ZNHIT6: variants seen among roughly 807,000 people sequenced by gnomAD.
ZNHIT6 encodes zinc finger HIT-type containing 6, also known as box C/D snoRNA protein 1.
In ZNHIT6, 45 loss-of-function variants were observed where a neutral mutation model predicts 57.2. The observed-to-expected ratio is 0.79, with a 90% CI of 0.62 to 1.01. The LOEUF is 1.01. Ranked by LOEUF, ZNHIT6 falls within the 50% of genes least tolerant of loss-of-function variation. The pLI is 0.00. For missense variants in ZNHIT6, 528 were observed against 567.3 expected (o/e 0.93, Z 0.70); for synonymous variants, 188 against 190.0 (o/e 0.99, Z 0.09).
intron 9 of ZNHIT6, among the ~76,000 whole-genome samples, chr1:85,655,837 A>C (rs547311216): frequency 1.8e-4 from 27 of 152,240 alleles, no homozygotes; most frequent in African/African-American, 5.8e-4. Flanking sequence ...AAACAAACAA[A>C]ATCTTGGCTA....
intron 5 of ZNHIT6, among the ~76,000 whole-genome samples, chr1:85,693,666 A>G (rs944361308): frequency 6.6e-6 from 1 of 152,256 alleles, no homozygotes. Flanking sequence ...ACAATATTGA[A>G]TATTTTCAAA....
At chr1:85,689,005 C>G (rs1662140792) in intron 5 of ZNHIT6, among the ~76,000 whole-genome samples, 2 of 152,144 alleles carry the variant, frequency 1.3e-5, no homozygotes, top group African/African-American at 4.8e-5. Context: ...ATAAAGCAAC[C>G]TAACTGATAC....
chr1:85,701,436 T>C (rs1662526610), intron 5 of ZNHIT6, among the ~76,000 whole-genome samples: 2 of 152,234 alleles, frequency 1.3e-5, no homozygotes, highest in African/African-American at 4.8e-5. Flanking sequence ...ATAATTTAGT[T>C]GGCTACTTAA....
In ZNHIT6 at chr1:85,708,388, T is replaced by A. The variant is rs1316359929; in HGVS notation, c.-104A>T. The A allele has an allele frequency of 9.1e-6, 13 of 1,422,950 alleles. No individual in the cohort carries two copies. The highest frequency in any genetic ancestry group is 1.2e-5 in the Non-Finnish European group (13 of 1,069,868). 88.1% of individuals were successfully genotyped at this position (1,422,950 alleles called of 1,614,324 possible). ...CGGAATACCTACGGCGGCCCACGTG[T>A]GGAGCCAAGCAGCCACAAACCCGGA... On this transcript the variant is annotated 5_prime_UTR_variant, in exon 1 of 10. Transcript: ENST00000370574.
chr1:85,668,951 A>G (rs143398554), intron 8 of ZNHIT6, among the ~76,000 whole-genome samples: 10 of 152,194 alleles, frequency 6.6e-5, no homozygotes, highest in African/African-American at 2.4e-4. Flanking sequence ...CCCAGGAAAA[A>G]CTTATATCAT....
chr1:85,668,269 C>T (rs956548210), intron 8 of ZNHIT6, among the ~76,000 whole-genome samples: 23 of 151,972 alleles, frequency 1.5e-4, no homozygotes, highest in African/African-American at 4.1e-4. Context: ...ACATGATGGA[C>T]GAGCACTGAT....
intron 8 of ZNHIT6, among the ~76,000 whole-genome samples, chr1:85,671,808 T>G (rs1337595026): frequency 6.6e-6 from 1 of 152,146 alleles, no homozygotes; most frequent in Non-Finnish European, 1.5e-5. Flanking sequence ...AAAACACAAT[T>G]TTGACTTTAC....
At chr1:85,666,493 GC>G (rs34567950) in intron 8 of ZNHIT6, among the ~76,000 whole-genome samples, 60,553 of 151,844 alleles carry the variant, frequency 0.4, 13,320 homozygotes, top group South Asian at 0.57. Flanking sequence ...CTTACAATCT[GC>G]CAAGAATTTG....
intron 4 of ZNHIT6, among the ~76,000 whole-genome samples, chr1:85,705,580 T>C (rs1053516900): frequency 6.6e-6 from 1 of 152,180 alleles, no homozygotes; most frequent in African/African-American, 2.4e-5. Flanking sequence ...TTCAGTTACC[T>C]TGCAAATCTT....
chr1:85,657,222 A>G (rs1661084583), intron 9 of ZNHIT6, among the ~76,000 whole-genome samples: 1 of 152,134 alleles, frequency 6.6e-6, no homozygotes, highest in Non-Finnish European at 1.5e-5. Flanking sequence ...ACTTTTATGT[A>G]CATTTTTTCC....
intron 5 of ZNHIT6, among the ~76,000 whole-genome samples, chr1:85,699,625 G>C (rs1385734186): frequency 6.6e-6 from 1 of 152,090 alleles, no homozygotes; most frequent in African/African-American, 2.4e-5. Context: ...AAAGTACAAA[G>C]TGGTAATGTT....
At chr1:85,686,939 G>A (rs1046821846) in intron 5 of ZNHIT6, among the ~76,000 whole-genome samples, 5 of 151,750 alleles carry the variant, frequency 3.3e-5, no homozygotes, top group Admixed American at 6.6e-5. Context: ...GGATAACAAC[G>A]GTATTTCTAT....
intron 5 of ZNHIT6, among the ~76,000 whole-genome samples, chr1:85,693,173 T>A (rs1213989034): frequency 6.6e-6 from 1 of 152,070 alleles, no homozygotes; most frequent in African/African-American, 2.4e-5. Context: ...AATGTGGGGA[T>A]AAGAAGGTCA....
At position 85,653,467 on chromosome 1, in the gene ZNHIT6, C is replaced by A. The variant is rs542813560; in HGVS notation, c.*591G>T. On this transcript the variant is annotated 3_prime_UTR_variant, in exon 10 of 10. Coordinates refer to ENST00000370574, the MANE Select transcript of ZNHIT6 (RefSeq NM_017953.4). ...TGGGTTTCGTCACGCATGAAATTAA[C>A]AAATAAAAAATGTTCAAGGCCAGGT... 3 of 152,134 alleles carry A rather than the reference C, an allele frequency of 2.0e-5. No individual in the cohort carries two copies. Among genetic ancestry groups the A allele is most frequent in the Admixed American group, 6.5e-5 (1 of 15,272 alleles). 9.4% of individuals were successfully genotyped at this position (152,134 alleles called of 1,614,324 possible).
intron 8 of ZNHIT6, among the ~76,000 whole-genome samples, chr1:85,664,246 C>G (rs547938601): frequency 1.3e-5 from 2 of 152,280 alleles, no homozygotes; most frequent in South Asian, 4.1e-4. Context: ...TTTGTTCATT[C>G]CTTTCATTCA....
At chr1:85,688,992 A>G (rs1411616371) in intron 5 of ZNHIT6, among the ~76,000 whole-genome samples, 3 of 152,334 alleles carry the variant, frequency 2.0e-5, no homozygotes, top group African/African-American at 7.2e-5. Context: ...ATTTCATGCA[A>G]CTATAAAGCA....
intron 8 of ZNHIT6, 87 bp from the exon 9 acceptor site, chr1:85,658,058 T>A: frequency 2.1e-6 from 2 of 948,466 alleles, no homozygotes; most frequent in Non-Finnish European, 3.0e-6. Flanking sequence ...TATTTTACAT[T>A]AAAAATTTTT....
At position 85,706,477 on chromosome 1, in the gene ZNHIT6, C is replaced by CT; in HGVS notation, c.686dup (p.Tyr230ValfsTer26). On this transcript the variant is annotated frameshift_variant, in exon 2 of 10. Coordinates refer to ENST00000370574, the MANE Select transcript of ZNHIT6 (RefSeq NM_017953.4). LOFTEE classifies it high-confidence loss of function. ...ATCGCATACAACGTGGACATCTGTACTTTGCTTCTTCTGTACCACAAGTCT... is the reference window on the plus strand; with the variant it reads ...ATCGCATACAACGTGGACATCTGTACTTTTGCTTCTTCTGTACCACAAGTCT... 1 of 1,596,620 alleles carries CT rather than the reference C, an allele frequency of 6.3e-7. No individual in the cohort carries two copies. Among genetic ancestry groups the CT allele is most frequent in the Non-Finnish European group, 8.5e-7 (1 of 1,176,300 alleles).
At chr1:85,695,040 G>T (rs1034628404) in intron 5 of ZNHIT6, among the ~76,000 whole-genome samples, 62 of 152,194 alleles carry the variant, frequency 4.1e-4, no homozygotes, top group African/African-American at 1.4e-3. Flanking sequence ...GAGGTGGGTG[G>T]ACTGCCTGAG....
Sources: allele counts gnomAD v4.1 joint callset (sites outside exome capture counted in the v4.1 genomes callset), GRCh38; gene constraint gnomAD v4.1.1; transcripts MANE v1.5; gene names NCBI Gene and HGNC (gene_info 2026-07-23, HGNC 2026-07-21).